The following PTPRR variants were observed in gnomAD, a reference collection of about 807,000 sequenced individuals.
The protein encoded by PTPRR is protein tyrosine phosphatase receptor type R, also known as receptor-type tyrosine-protein phosphatase R.
Under a neutral mutation model 77.2 loss-of-function variants are expected in PTPRR, and 38 were observed. The ratio of observed to expected loss-of-function variants is 0.49; its 90% CI spans 0.38 to 0.65. The LOEUF (loss-of-function observed/expected upper bound fraction) is 0.65, where lower values mean the gene tolerates loss of function less well. Ranked by LOEUF, PTPRR falls within the 30% of genes least tolerant of loss-of-function variation. The probability of loss-of-function intolerance (pLI) is 0.00; values close to 1 mark genes in which losing one functional copy is unlikely to be tolerated. For missense variants in PTPRR, 744 were observed against 799.2 expected (o/e 0.93, Z 0.83); for synonymous variants, 299 against 283.1 (o/e 1.06, Z -0.57).
At chr12:70,678,194 C>A (rs1024275996) in intron 10 of PTPRR, among the ~76,000 whole-genome samples, 7 of 152,166 alleles carry the variant, frequency 4.6e-5, no homozygotes, top group African/African-American at 1.7e-4. Flanking sequence ...GCACGCACCA[C>A]CAAGCCCAGC....
At chr12:70,783,995 G>A (rs1330500362) in intron 2 of PTPRR, among the ~76,000 whole-genome samples, 1 of 152,128 alleles carries the variant, frequency 6.6e-6, no homozygotes, top group Non-Finnish European at 1.5e-5. Flanking sequence ...CCCGGAGTAG[G>A]GAGAAGCCCG....
chr12:70,674,539 G>A (rs939169385), intron 10 of PTPRR, among the ~76,000 whole-genome samples: 1 of 152,084 alleles, frequency 6.6e-6, no homozygotes, highest in Non-Finnish European at 1.5e-5. Flanking sequence ...AAGCATCAAA[G>A]TGTATTTTTT....
chr12:70,803,355 A>C (rs1379583854), intron 2 of PTPRR, among the ~76,000 whole-genome samples: 4 of 152,230 alleles, frequency 2.6e-5, no homozygotes. Context: ...TTGCAGGGCA[A>C]TCACCAAAAG....
chr12:70,733,482 GA>G (rs1310822205), intron 6 of PTPRR, among the ~76,000 whole-genome samples: 1 of 92,314 alleles, frequency 1.1e-5, no homozygotes, highest in Non-Finnish European at 2.0e-5. Flanking sequence ...AAAAAAAAAA[GA>G]AAAAAAAAGA....
intron 6 of PTPRR, among the ~76,000 whole-genome samples, chr12:70,739,742 C>T (rs1482623157): frequency 6.6e-6 from 1 of 152,148 alleles, no homozygotes; most frequent in African/African-American, 2.4e-5. Flanking sequence ...TTATACATCA[C>T]TGTGGGCACA....
chr12:70,645,435 A>C (rs962410253), intron 13 of PTPRR, among the ~76,000 whole-genome samples: 1 of 152,220 alleles, frequency 6.6e-6, no homozygotes, highest in Non-Finnish European at 1.5e-5. Flanking sequence ...TACGACACCT[A>C]GGGTAACCAT....
At chr12:70,774,583 A>C (rs1456825671) in intron 2 of PTPRR, among the ~76,000 whole-genome samples, 2 of 152,108 alleles carry the variant, frequency 1.3e-5, no homozygotes, top group Non-Finnish European at 2.9e-5. Context: ...ATTGCATCAA[A>C]ACATTTGAAT....
chr12:70,853,752 A>C (rs1892608899), intron 2 of PTPRR, among the ~76,000 whole-genome samples: 1 of 152,222 alleles, frequency 6.6e-6, no homozygotes, highest in Admixed American at 6.6e-5. Flanking sequence ...ATAGGACCCA[A>C]GTCAGCCAGC....
intron 2 of PTPRR, among the ~76,000 whole-genome samples, chr12:70,819,820 C>T (rs1891972478): frequency 6.6e-6 from 1 of 152,024 alleles, no homozygotes; most frequent in South Asian, 2.1e-4. Context: ...ATTAAATTGT[C>T]CAATAATATA....
At chr12:70,720,598 A>G (rs996619221) in intron 6 of PTPRR, among the ~76,000 whole-genome samples, 5 of 148,128 alleles carry the variant, frequency 3.4e-5, no homozygotes, top group Non-Finnish European at 7.4e-5. Context: ...TGCAACCTCC[A>G]ACTCCCGGGT....
At chr12:70,778,331 G>A (rs1891133391) in intron 2 of PTPRR, among the ~76,000 whole-genome samples, 1 of 151,864 alleles carries the variant, frequency 6.6e-6, no homozygotes, top group African/African-American at 2.4e-5. Flanking sequence ...TCTCATAGAA[G>A]TCTTTATCTT....
intron 2 of PTPRR, among the ~76,000 whole-genome samples, chr12:70,799,547 T>C (rs1204120646): frequency 1.3e-5 from 2 of 152,108 alleles, no homozygotes; most frequent in South Asian, 4.1e-4. Context: ...ATTAAAGATG[T>C]TACAGCACTG....
intron 8 of PTPRR, among the ~76,000 whole-genome samples, chr12:70,697,593 T>A (rs2136772426): frequency 6.6e-6 from 1 of 152,310 alleles, no homozygotes; most frequent in South Asian, 2.1e-4. Context: ...TTTGCTGCTG[T>A]TTGTGCTTTT....
At chr12:70,758,009 A>C (rs1021953553) in intron 4 of PTPRR, among the ~76,000 whole-genome samples, 1 of 152,180 alleles carries the variant, frequency 6.6e-6, no homozygotes, top group African/African-American at 2.4e-5. Flanking sequence ...CCTGCTCACT[A>C]CAGACAGCTT....
At chr12:70,911,889 C>T (rs956919406) in intron 1 of PTPRR, among the ~76,000 whole-genome samples, 7 of 152,072 alleles carry the variant, frequency 4.6e-5, no homozygotes, top group African/African-American at 9.7e-5. Flanking sequence ...AGTCTAATCA[C>T]GTAATGCCTA....
At chr12:70,859,957 A>AT (rs944686957) in intron 2 of PTPRR, among the ~76,000 whole-genome samples, 3 of 151,530 alleles carry the variant, frequency 2.0e-5, no homozygotes, top group African/African-American at 7.3e-5. Flanking sequence ...ATTCTCCTTT[A>AT]TTTTTTCTTC....
chr12:70,708,872 T>A (rs1888717372), intron 6 of PTPRR, among the ~76,000 whole-genome samples: 1 of 150,908 alleles, frequency 6.6e-6, no homozygotes, highest in Non-Finnish European at 1.5e-5. Context: ...CACAATACAA[T>A]GAATAACCTC....
intron 8 of PTPRR, among the ~76,000 whole-genome samples, chr12:70,691,842 C>G (rs1450981959): frequency 1.3e-5 from 2 of 152,088 alleles, no homozygotes. Context: ...GGTCTCCCTG[C>G]CTTCAATCTT....
intron 8 of PTPRR, among the ~76,000 whole-genome samples, chr12:70,685,500 A>AC (rs1380951178): frequency 2.7e-4 from 37 of 135,488 alleles, no homozygotes; most frequent in African/African-American, 8.6e-4. Flanking sequence ...AAAAAAAAAA[A>AC]TTAGCCAGGC....
Sources: allele counts gnomAD v4.1 joint callset (sites outside exome capture counted in the v4.1 genomes callset), GRCh38; gene constraint gnomAD v4.1.1; transcripts MANE v1.5; gene names NCBI Gene and HGNC (gene_info 2026-07-23, HGNC 2026-07-21).